SORD: variants seen among roughly 807,000 people sequenced by gnomAD.
SORD encodes the protein sorbitol dehydrogenase, also known as (R,R)-butanediol dehydrogenase.
In SORD, 18 loss-of-function variants were observed where a neutral mutation model predicts 35.6. The observed-to-expected ratio is 0.51, with a 90% confidence interval of 0.35 to 0.75. SORD has a LOEUF of 0.75. Ranked by LOEUF, SORD falls within the 30% of genes least tolerant of loss-of-function variation. The pLI, the probability that SORD is intolerant of heterozygous loss-of-function variation, is 0.01. For synonymous variants in SORD, 106 were observed against 152.9 expected (o/e 0.69, Z 2.26); for missense variants, 250 against 390.2 (o/e 0.64, Z 3.03).
intron 4 of SORD, among the ~76,000 whole-genome samples, chr15:45,062,023 C>T (rs1169551423): frequency 6.6e-6 from 1 of 150,506 alleles, no homozygotes; most frequent in African/African-American, 2.4e-5. Flanking sequence ...GAAATTATTT[C>T]ACTTTTCTCT....
At chr15:45,039,856 A>C (rs961779247) in intron 1 of SORD, among the ~76,000 whole-genome samples, 2 of 152,220 alleles carry the variant, frequency 1.3e-5, no homozygotes, top group Admixed American at 6.5e-5. Flanking sequence ...CAGACCAAAC[A>C]AATCTGTATC....
intron 3 of SORD, among the ~76,000 whole-genome samples, chr15:45,059,759 A>C (rs1032244591): frequency 2.0e-5 from 3 of 152,172 alleles, no homozygotes; most frequent in Non-Finnish European, 4.4e-5. Flanking sequence ...AAGTGCTGGG[A>C]TTATGAGATT....
At chr15:45,061,026 C>G (rs189682704) in intron 3 of SORD, 41 bp from the exon 4 acceptor site, 2 of 1,612,960 alleles carry the variant, frequency 1.2e-6, no homozygotes, top group African/African-American at 1.3e-5. Context: ...AGACTCTGCT[C>G]CCACCCTCGG....
chr15:45,030,144 T>G lies in SORD; in HGVS notation c.66+6795T>G, dbSNP rs538692646. On this transcript the variant is annotated intron_variant, in intron 1 of 8. Coordinates refer to ENST00000267814, the MANE Select transcript of SORD (RefSeq NM_003104.6). ...AGCTTGGCTTTCCGGCTTTAAACTGTCTTCTACTTGGAGGTGGAATTTCAC... is the reference window on the plus strand; with the variant it reads ...AGCTTGGCTTTCCGGCTTTAAACTGGCTTCTACTTGGAGGTGGAATTTCAC... Among the ~76,000 whole-genome samples the G allele has an allele frequency of 7.2e-5, 11 of 152,318 alleles. No individual in the cohort carries two copies. The East Asian group carries it at 2.1e-3, about 29-fold the overall frequency.
At chr15:45,053,583 C>T (rs1893163644) in intron 3 of SORD, among the ~76,000 whole-genome samples, 1 of 152,150 alleles carries the variant, frequency 6.6e-6, no homozygotes, top group Non-Finnish European at 1.5e-5. Context: ...TTTTTGTTTA[C>T]AATTTATGAC....
chr15:45,065,280 C>G lies in SORD; in HGVS notation c.435C>G (p.Asp145Glu), dbSNP rs1189951542. Residue 145 changes from aspartate to glutamate, a missense_variant, in exon 5 of 9, where the codon GAC becomes GAG. Transcript: ENST00000267814. ...TCAATTGACTCCTCAGGCTTCCTGA[C>G]AATGTCACCTTTGAGGAAGGCGCCC... ...HNAAFCYKLP[D>E]NVTFEEGALI... 12 of 1,613,334 alleles carry G rather than the reference C, an allele frequency of 7.4e-6. No homozygotes were observed. The East Asian group carries it at 1.8e-4, about 24-fold the overall frequency.
At chr15:45,029,052 T>G (rs1892726342) in intron 1 of SORD, among the ~76,000 whole-genome samples, 2 of 152,226 alleles carry the variant, frequency 1.3e-5, no homozygotes, top group African/African-American at 2.4e-5. Context: ...TGCAGGCTAC[T>G]TAACCCTTAC....
intron 5 of SORD, among the ~76,000 whole-genome samples, chr15:45,067,894 G>C (rs1204117288): frequency 6.6e-6 from 1 of 152,196 alleles, no homozygotes; most frequent in Non-Finnish European, 1.5e-5. Context: ...GTGGTTCTTT[G>C]AGATTATCTC....
intron 1 of SORD, among the ~76,000 whole-genome samples, chr15:45,039,892 AG>A (rs1346500402): frequency 6.6e-6 from 1 of 152,246 alleles, no homozygotes; most frequent in African/African-American, 2.4e-5. Context: ...CCAGGAAGGC[AG>A]GATCTGATAT....
In SORD at chr15:45,069,188, C is replaced by CTTTTTCTTTT. The variant is rs1369013660; in HGVS notation, c.786+142_786+151dup. 9 of 140,002 alleles carry CTTTTTCTTTT rather than the reference C, an allele frequency of 6.4e-5. 3 individuals are homozygous for CTTTTTCTTTT. Among genetic ancestry groups the CTTTTTCTTTT allele is most frequent in the African/African-American group, 3.1e-4 (8 of 25,496 alleles). 8.7% of individuals were successfully genotyped at this position (140,002 alleles called of 1,614,324 possible). A position where few individuals can be genotyped will look rare whatever the true frequency, so the allele number is the denominator to read the frequency against. ...ATTCATCTTTTGCCATCTATGTTTT[C>CTTTTTCTTTT]TTTTTCTTTTTTTTTTTTTTTTTTT... On this transcript the variant is annotated intron_variant, in intron 7 of 8. Coordinates refer to ENST00000267814, the MANE Select transcript of SORD (RefSeq NM_003104.6).
At chr15:45,042,279 G>A (rs1168587729) in intron 2 of SORD, 1 of 152,020 alleles carries the variant, frequency 6.6e-6, no homozygotes, top group Non-Finnish European at 1.5e-5. Flanking sequence ...ATCTCCTGAG[G>A]TCAGGAGTTC....
intron 4 of SORD, 42 bp from the exon 5 acceptor site, chr15:45,065,229 T>C (rs763412065): frequency 9.5e-6 from 13 of 1,368,422 alleles, no homozygotes; most frequent in South Asian, 1.2e-5. Flanking sequence ...GTTAGCATTG[T>C]AGTTAACTCA....
chr15:45,067,191 G>A (rs891915742), intron 5 of SORD, among the ~76,000 whole-genome samples: 3 of 152,002 alleles, frequency 2.0e-5, no homozygotes, highest in Non-Finnish European at 2.9e-5. Context: ...GTGAAACCCC[G>A]TCTCTACTAA....
chr15:45,024,740 G>A (rs1892643272), intron 1 of SORD, among the ~76,000 whole-genome samples: 3 of 152,056 alleles, frequency 2.0e-5, no homozygotes, highest in Admixed American at 2.0e-4. Context: ...ATGAAAGGGT[G>A]CCTGCCATGT....
intron 4 of SORD, 71 bp downstream of exon 4, chr15:45,061,297 G>T: frequency 6.6e-7 from 1 of 1,520,182 alleles, no homozygotes. Context: ...TGTTTCCTGT[G>T]GTTATTTCTT....
At position 45,073,604 on chromosome 15, in the gene SORD, G is replaced by C. The variant is rs1893550071; in HGVS notation, c.*74G>C. 4.1e-6 allele frequency: 6 copies of C among 1,477,020 alleles called. No homozygotes were observed. The highest frequency in any genetic ancestry group is 4.5e-6 in the Non-Finnish European group (5 of 1,103,002). The allele number at this position is 1,477,020 out of a possible 1,614,324, so 91.5% of individuals were successfully genotyped here. A position where few individuals can be genotyped will look rare whatever the true frequency, so the allele number is the denominator to read the frequency against. ...CAATGGCTGGACATGGGTGGGCTCT[G>C]ATGCAGAACTTTCTCTTTTGAATGT... is the stretch of plus-strand genomic sequence containing the variant. On this transcript the variant is annotated 3_prime_UTR_variant, in exon 9 of 9. Transcript: ENST00000267814.
Position 45,065,504 on chromosome 15 carries a change from A to C in SORD, c.544+115A>C. The C allele has an allele frequency of 4.0e-6, 6 of 1,482,936 alleles. No individual in the cohort carries two copies. The South Asian group carries it at 6.8e-5, about 17-fold the overall frequency. The allele number at this position is 1,482,936 out of a possible 1,614,324, so 91.9% of individuals were successfully genotyped here. On this transcript the variant is annotated intron_variant, in intron 5 of 8. Coordinates refer to ENST00000267814, the MANE Select transcript of SORD (RefSeq NM_003104.6). The stretch of plus-strand genomic sequence containing the variant: ...ATTTGTTCTAGAATCCTTCTGGGTA[A>C]GGGAGGATTGCAGTGTCCCATTCCC...
intron 5 of SORD, among the ~76,000 whole-genome samples, chr15:45,067,794 A>G (rs2576108): frequency 0.7 from 106,423 of 152,054 alleles, 42,912 homozygotes; most frequent in South Asian, 0.9. Flanking sequence ...GGGTTCTCAC[A>G]AAGGTAGGGG....
chr15:45,065,127 T>C lies in SORD; in HGVS notation c.426-144T>C, dbSNP rs1431280163. The C allele has an allele frequency of 4.6e-6, 3 of 656,258 alleles. No individual in the cohort carries two copies. The African/African-American group carries it at 5.5e-5, about 12-fold the overall frequency. The allele number at this position is 656,258 out of a possible 1,614,324, so 40.7% of individuals were successfully genotyped here. Reference sequence around the variant, plus strand: ...TTTACGTGAGTTAATGTATATAAATTGCTTAGCACATTGCTCTGCACATAA... The same window carrying C: ...TTTACGTGAGTTAATGTATATAAATCGCTTAGCACATTGCTCTGCACATAA... On this transcript the variant is annotated intron_variant, in intron 4 of 8. Transcript: ENST00000267814.
Sources: gnomAD v4.1 joint callset for allele counts (sites outside exome capture counted in the v4.1 genomes callset) on GRCh38, gnomAD v4.1.1 for gene constraint, MANE v1.5 for transcripts, NCBI Gene and HGNC (gene_info 2026-07-23, HGNC 2026-07-21) for gene names.